The following AK9 variants were observed in gnomAD, a reference collection of about 807,000 sequenced individuals.
AK9 encodes the protein adenylate kinase domain containing 1.
AK9 carries 191 observed loss-of-function variants against 239.6 expected under a neutral mutation model. The ratio of observed to expected loss-of-function variants is 0.80; its 90% CI spans 0.71 to 0.90. The LOEUF is 0.90. Ranked by LOEUF, AK9 falls within the 40% of genes least tolerant of loss-of-function variation. The pLI, the probability that AK9 is intolerant of heterozygous loss-of-function variation, is 0.00. For synonymous variants in AK9, 689 were observed against 721.0 expected (o/e 0.96, Z 0.71); for missense variants, 1,995 against 2,214.7 (o/e 0.90, Z 1.99).
Position 109,614,096 on chromosome 6 carries a change from A to G in AK9, c.1609+87T>C, listed in dbSNP as rs1583259581. 3.8e-6 allele frequency: 5 copies of G among 1,332,006 alleles called. No homozygotes were observed. In the East Asian group the frequency reaches 1.3e-4, roughly 34 times the overall value. The allele number at this position is 1,332,006 out of a possible 1,614,324, so 82.5% of individuals were successfully genotyped here. A position where few individuals can be genotyped will look rare whatever the true frequency, so the allele number is the denominator to read the frequency against. On this transcript the variant is annotated intron_variant, in intron 15 of 40. Transcript: ENST00000424296. ...CCTGAAGTTTCCAATTTTGGGGGTA[A>G]TTTTAAGCATAAATATAAACATAAT...
chr6:109,627,972 C>A (rs892257327), intron 12 of AK9, among the ~76,000 whole-genome samples: 4 of 152,152 alleles, frequency 2.6e-5, no homozygotes, highest in African/African-American at 9.7e-5. Context: ...TTTATTAAAT[C>A]CAAATTTGGA....
At chr6:109,613,687 TAGCTATTCTATAATATATTAC>T (rs1332174770) in intron 15 of AK9, among the ~76,000 whole-genome samples, 1 of 151,466 alleles carries the variant, frequency 6.6e-6, no homozygotes, top group African/African-American at 2.4e-5. Flanking sequence ...GTCTATATTA[TAGCTATTCTATAATATATTAC>T]AGCTATTCTA....
chr6:109,533,567 A>C, intron 27 of AK9, 97 bp from the exon 28 acceptor site: 1 of 973,702 alleles, frequency 1.0e-6, no homozygotes, highest in Non-Finnish European at 1.5e-6. Context: ...AAGGTATATT[A>C]AGTCATCATT....
In AK9 at chr6:109,688,218, T is replaced by G. The variant is rs1773800825; in HGVS notation, c.-12+2929A>C. Among the ~76,000 whole-genome samples the G allele has an allele frequency of 2.0e-5, 3 of 151,948 alleles. No homozygotes were observed. In the South Asian group the frequency reaches 6.3e-4, roughly 32 times the overall value. ...ATTCAGTGACAAATTGATTACAAATTGAGACCTGTTCATATTGAGCCCTCA... is the reference window on the plus strand; with the variant it reads ...ATTCAGTGACAAATTGATTACAAATGGAGACCTGTTCATATTGAGCCCTCA... On this transcript the variant is annotated intron_variant, in intron 1 of 40. Coordinates refer to ENST00000424296, the MANE Select transcript of AK9 (RefSeq NM_001145128.3).
chr6:109,681,243 T>C (rs1772581746), intron 1 of AK9, among the ~76,000 whole-genome samples: 1 of 151,886 alleles, frequency 6.6e-6, no homozygotes. Flanking sequence ...AATAAAGGGA[T>C]GGAGGAATAT....
At chr6:109,548,059 T>A (rs180843157) in intron 25 of AK9, among the ~76,000 whole-genome samples, 97 of 151,746 alleles carry the variant, frequency 6.4e-4, no homozygotes, top group East Asian at 4.3e-3. Context: ...ACAAAAAAAA[T>A]AGCAAATACT....
chr6:109,646,383 G>C (rs1261027279), intron 8 of AK9, among the ~76,000 whole-genome samples: 1 of 152,026 alleles, frequency 6.6e-6, no homozygotes, highest in Non-Finnish European at 1.5e-5. Flanking sequence ...GAATAAACAG[G>C]GTAGACAAGA....
intron 1 of AK9, among the ~76,000 whole-genome samples, chr6:109,676,928 T>A (rs902639177): frequency 1.3e-5 from 2 of 152,146 alleles, no homozygotes. Flanking sequence ...AATAAGATCA[T>A]GTCCTTTGCA....
At chr6:109,525,864 TA>T (rs1780445533) in intron 29 of AK9, among the ~76,000 whole-genome samples, 3 of 152,202 alleles carry the variant, frequency 2.0e-5, no homozygotes, top group African/African-American at 7.2e-5. Context: ...CTACTCACAA[TA>T]GCAAAGACAT....
chr6:109,502,578 A>G (rs939950887), intron 35 of AK9, among the ~76,000 whole-genome samples: 2 of 152,214 alleles, frequency 1.3e-5, no homozygotes, highest in Non-Finnish European at 2.9e-5. Flanking sequence ...GACACAATAC[A>G]TTTTTGTTGT....
intron 8 of AK9, among the ~76,000 whole-genome samples, chr6:109,649,867 G>C (rs1031603617): frequency 6.6e-5 from 10 of 152,152 alleles, no homozygotes. Flanking sequence ...AAACAGTGTG[G>C]TACTGGTACC....
chr6:109,498,350 G>A (rs766474787), intron 36 of AK9, among the ~76,000 whole-genome samples: 1 of 152,182 alleles, frequency 6.6e-6, no homozygotes, highest in Non-Finnish European at 1.5e-5. Context: ...TAAAATGGAG[G>A]GGGTGGGCCA....
chr6:109,582,909 C>T (rs2128209377), intron 19 of AK9, among the ~76,000 whole-genome samples: 1 of 152,280 alleles, frequency 6.6e-6, no homozygotes, highest in Non-Finnish European at 1.5e-5. Flanking sequence ...TATCGGTCAG[C>T]AGCCAACAAC....
At chr6:109,678,155 C>A (rs1405311622) in intron 1 of AK9, among the ~76,000 whole-genome samples, 1 of 152,148 alleles carries the variant, frequency 6.6e-6, no homozygotes, top group Non-Finnish European at 1.5e-5. Context: ...AAGCTGAAAA[C>A]AACCCAGATG....
intron 17 of AK9, among the ~76,000 whole-genome samples, chr6:109,608,589 T>C (rs902980077): frequency 1.3e-4 from 20 of 152,274 alleles, no homozygotes; most frequent in African/African-American, 4.6e-4. Flanking sequence ...AAATGGACCT[T>C]AGATCCAAAT....
chr6:109,596,004 A>T (rs1411683767), intron 17 of AK9, among the ~76,000 whole-genome samples: 2 of 152,180 alleles, frequency 1.3e-5, no homozygotes, highest in African/African-American at 2.4e-5. Flanking sequence ...GTATAATTTA[A>T]AAAAAAGAAA....
chr6:109,576,215 T>C (rs1459256482), intron 20 of AK9, among the ~76,000 whole-genome samples: 2 of 152,002 alleles, frequency 1.3e-5, no homozygotes, highest in Admixed American at 6.6e-5. Flanking sequence ...AGAATAATGA[T>C]GGTATTTTGA....
chr6:109,567,882 T>TAAAA (rs71018349), intron 21 of AK9, among the ~76,000 whole-genome samples: 8 of 132,676 alleles, frequency 6.0e-5, no homozygotes, highest in East Asian at 2.1e-4. Flanking sequence ...TAAAGTAAAA[T>TAAAA]AAAAAAAAAA....
At chr6:109,565,553 T>A (rs575955379) in intron 21 of AK9, among the ~76,000 whole-genome samples, 1 of 152,124 alleles carries the variant, frequency 6.6e-6, no homozygotes, top group Non-Finnish European at 1.5e-5. Context: ...TATTGCAAAG[T>A]CCCAGCTGTA....
Sources: allele counts gnomAD v4.1 joint callset (sites outside exome capture counted in the v4.1 genomes callset), GRCh38; gene constraint gnomAD v4.1.1; transcripts MANE v1.5; gene names NCBI Gene and HGNC (gene_info 2026-07-23, HGNC 2026-07-21).